The following JMJD1C variants were observed in gnomAD, a reference collection of about 807,000 sequenced individuals.
JMJD1C encodes jumonji domain-containing protein 1C.
In JMJD1C, 31 loss-of-function variants were observed where a neutral mutation model predicts 245.3. The ratio of observed to expected loss-of-function variants is 0.13; its 90% CI spans 0.09 to 0.17. The LOEUF (loss-of-function observed/expected upper bound fraction) is 0.17. JMJD1C is among the 10% of genes least tolerant of loss of function. JMJD1C has a pLI of 1.00. For missense variants in JMJD1C, 2,691 were observed against 3,000.2 expected (o/e 0.90, Z 2.41); for synonymous variants, 1,057 against 1,017.4 (o/e 1.04, Z -0.74).
intron 2 of JMJD1C, among the ~76,000 whole-genome samples, chr10:63,368,657 C>T (rs4373808): frequency 6.6e-6 from 1 of 152,152 alleles, no homozygotes; most frequent in Non-Finnish European, 1.5e-5. Flanking sequence ...GACACTGTTG[C>T]TAAGATTCAT....
At chr10:63,448,314 G>T (rs969782057) in intron 1 of JMJD1C, among the ~76,000 whole-genome samples, 3 of 151,954 alleles carry the variant, frequency 2.0e-5, no homozygotes, top group Admixed American at 6.6e-5. Context: ...ATGCCACCAT[G>T]CCCAGCTCAT....
At chr10:63,387,973 A>G (rs1484191971) in intron 1 of JMJD1C, among the ~76,000 whole-genome samples, 1 of 152,092 alleles carries the variant, frequency 6.6e-6, no homozygotes, top group African/African-American at 2.4e-5. Flanking sequence ...GAACGAGCAA[A>G]TCCTCATCAC....
chr10:63,208,375 A>G lies in JMJD1C; in HGVS notation c.3294T>C (p.Ser1098=). The part of the protein sequence containing the change: ...LPQSNYFTTL[S]NSVVNEPPRS... ...TTGGTGGTTCATTGACCACACTATTAGACAATGTAGTGAAATAGTTACTTT... is the reference window on the plus strand; with the variant it reads ...TTGGTGGTTCATTGACCACACTATTGGACAATGTAGTGAAATAGTTACTTT... The change falls in exon 10 of 26, where the codon TCT becomes TCC. Residue 1098 remains serine (S), a synonymous_variant. Transcript: ENST00000399262. 6.2e-7 allele frequency: 1 copy of G among 1,613,370 alleles called. No individual in the cohort carries two copies. Among genetic ancestry groups the G allele is most frequent in the Non-Finnish European group, 8.5e-7 (1 of 1,179,284 alleles).
intron 13 of JMJD1C, among the ~76,000 whole-genome samples, chr10:63,195,722 C>T (rs571105147): frequency 4.6e-5 from 7 of 150,550 alleles, no homozygotes; most frequent in Admixed American, 3.3e-4. Flanking sequence ...GGGCCGATCA[C>T]GAGGTCAGGA....
chr10:63,234,372 T>C (rs1321411592), intron 3 of JMJD1C, among the ~76,000 whole-genome samples: 1 of 151,588 alleles, frequency 6.6e-6, no homozygotes, highest in Non-Finnish European at 1.5e-5. Flanking sequence ...TGCATGCCTG[T>C]AGTCCCAGCT....
intron 2 of JMJD1C, among the ~76,000 whole-genome samples, chr10:63,378,501 A>G (rs1467805235): frequency 6.6e-6 from 1 of 152,162 alleles, no homozygotes; most frequent in Admixed American, 6.5e-5. Flanking sequence ...CTGAGGCAGG[A>G]GAACTGCGTG....
At position 63,340,072 on chromosome 10, in the gene JMJD1C, A is replaced by G. The variant is rs539207110; in HGVS notation, c.333+40246T>C. Reference sequence around the variant, plus strand: ...GAGACTTCATTTCAATAAATAAATAATAAGTAAATTACACATATATAGGTT... The same window carrying G: ...GAGACTTCATTTCAATAAATAAATAGTAAGTAAATTACACATATATAGGTT... On this transcript the variant is annotated intron_variant, in intron 2 of 25. Transcript: ENST00000399262. Among the ~76,000 whole-genome samples the G allele has an allele frequency of 2.0e-5, 3 of 152,008 alleles. No individual in the cohort carries two copies. In the South Asian group the frequency reaches 6.2e-4, roughly 32 times the overall value.
At chr10:63,510,876 T>C (rs1954852624) in intron 1 of JMJD1C, among the ~76,000 whole-genome samples, 1 of 152,256 alleles carries the variant, frequency 6.6e-6, no homozygotes, top group Non-Finnish European at 1.5e-5. Flanking sequence ...GCTTTGTTGT[T>C]AGGCATATAG....
intron 1 of JMJD1C, among the ~76,000 whole-genome samples, chr10:63,507,481 T>C (rs536646832): frequency 6.6e-6 from 1 of 151,442 alleles, no homozygotes; most frequent in Non-Finnish European, 1.5e-5. Context: ...CTGTCTCTAC[T>C]AAAAATACAA....
intron 3 of JMJD1C, among the ~76,000 whole-genome samples, chr10:63,251,947 G>A (rs1049070817): frequency 3.3e-5 from 5 of 152,202 alleles, no homozygotes; most frequent in Non-Finnish European, 7.3e-5. Flanking sequence ...AGGAGGTGGA[G>A]GCTGCAGTTG....
rs755330672 is a variant in JMJD1C, at chr10:63,183,526, G to A, written c.7005C>T (p.Leu2335=). 2 of 1,605,326 alleles carry A rather than the reference G, an allele frequency of 1.2e-6. No homozygotes were observed. Among genetic ancestry groups the A allele is most frequent in the South Asian group, 2.2e-5 (2 of 90,364 alleles). ...AKDHDIGTTN[L]HIEVSDVVNI... is the part of the protein sequence containing the mutation. ...TTACAACATCAGAAACTTCAATATG[G>A]AGATTTGTTGTTCCTATATCATGAT... The change falls in exon 22 of 26, where the codon CTC becomes CTT. Residue 2335 remains leucine, a synonymous_variant. Transcript: ENST00000399262.
At chr10:63,203,815 G>T (rs1846296607) in intron 10 of JMJD1C, 1 of 963,152 alleles carries the variant, frequency 1.0e-6, no homozygotes, top group Admixed American at 6.2e-5. Context: ...ATGTATAACG[G>T]TGTATGTAAT....
At chr10:63,477,014 C>T (rs1392644884) in intron 1 of JMJD1C, among the ~76,000 whole-genome samples, 8 of 152,110 alleles carry the variant, frequency 5.3e-5, no homozygotes, top group Admixed American at 5.2e-4. Context: ...CATCAATTTA[C>T]ATGAAACAGA....
At chr10:63,371,490 C>T (rs1946316524) in intron 2 of JMJD1C, among the ~76,000 whole-genome samples, 1 of 152,106 alleles carries the variant, frequency 6.6e-6, no homozygotes, top group Non-Finnish European at 1.5e-5. Flanking sequence ...CAATAAACAT[C>T]TTTCTTCTAA....
At chr10:63,373,351 T>C (rs1035117430) in intron 2 of JMJD1C, among the ~76,000 whole-genome samples, 4 of 152,168 alleles carry the variant, frequency 2.6e-5, no homozygotes, top group Non-Finnish European at 5.9e-5. Flanking sequence ...AGAAGGAGCC[T>C]GGGTATTATA....
At chr10:63,497,065 T>C (rs918681514) in intron 1 of JMJD1C, among the ~76,000 whole-genome samples, 4 of 152,078 alleles carry the variant, frequency 2.6e-5, no homozygotes, top group Admixed American at 2.0e-4. Context: ...CAAAAATACA[T>C]GAGGATAAAA....
At chr10:63,184,236 GA>G (rs1432697117) in intron 21 of JMJD1C, among the ~76,000 whole-genome samples, 4 of 134,214 alleles carry the variant, frequency 3.0e-5, no homozygotes, top group South Asian at 2.6e-4. Context: ...TCCTTGAACA[GA>G]AATTTTTTTT....
chr10:63,222,793 T>C, intron 3 of JMJD1C: 1 of 1,458,564 alleles, frequency 6.9e-7, no homozygotes. Context: ...AGTCAATTCC[T>C]AGTGAAAAAT....
chr10:63,230,779 C>CAA lies in JMJD1C; in HGVS notation c.448-10798_448-10797dup, dbSNP rs199988725. Among the ~76,000 whole-genome samples the CAA allele has an allele frequency of 3.1e-4, 47 of 150,310 alleles. No individual in the cohort carries two copies. The Admixed American group carries it at 3.1e-3, about 10-fold the overall frequency. On this transcript the variant is annotated intron_variant, in intron 3 of 25. Coordinates refer to ENST00000399262, the MANE Select transcript of JMJD1C (RefSeq NM_032776.3). ...GACAGAGTGAGACTGTCCCCCCCCC[C>CAA]AAAAAAAATAAATAAAAAATAAAAT...
Sources: allele counts gnomAD v4.1 joint callset (sites outside exome capture counted in the v4.1 genomes callset), GRCh38; gene constraint gnomAD v4.1.1; transcripts MANE v1.5; gene names NCBI Gene and HGNC (gene_info 2026-07-23, HGNC 2026-07-21).